The following EGFL7 variants were observed in gnomAD, a reference collection of about 807,000 sequenced individuals.
EGFL7 encodes the protein EGF like domain multiple 7.
Under a neutral mutation model 37.1 loss-of-function variants are expected in EGFL7, and 48 were observed. That is an observed-to-expected ratio of 1.29 (90% CI 1.03 to 1.65). EGFL7 has a LOEUF of 1.65. EGFL7 is among the 40% of genes most tolerant of loss of function. EGFL7 has a pLI of 0.00. For missense variants in EGFL7, 384 were observed against 378.9 expected (o/e 1.01, Z -0.11); for synonymous variants, 180 against 156.8 (o/e 1.15, Z -1.10).
chr9:136,672,622 G>T lies in EGFL7; in HGVS notation c.*336G>T. On this transcript the variant is annotated 3_prime_UTR_variant, in exon 11 of 11. Coordinates refer to ENST00000308874, the MANE Select transcript of EGFL7 (RefSeq NM_016215.5). ...ACAGGCCAGGCAGCCCGGAGGCTGG[G>T]TGGGGCCTCAGTGGGGGCTGCTGCC... 1 of 476,186 alleles carries T rather than the reference G, an allele frequency of 2.1e-6. No individual in the cohort carries two copies. Among genetic ancestry groups the T allele is most frequent in the Non-Finnish European group, 3.8e-6 (1 of 264,134 alleles). The allele number at this position is 476,186 out of a possible 1,614,324, so 29.5% of individuals were successfully genotyped here.
upstream of EGFL7, among the ~76,000 whole-genome samples, chr9:136,660,876 T>C (rs966609353): frequency 1.3e-5 from 2 of 152,090 alleles, no homozygotes; most frequent in African/African-American, 4.8e-5. Flanking sequence ...CCTGGGCCGG[T>C]CACTTCTCCC....
intron 5 of EGFL7, among the ~76,000 whole-genome samples, chr9:136,669,386 G>A (rs1331963708): frequency 2.0e-5 from 3 of 152,246 alleles, no homozygotes; most frequent in Non-Finnish European, 4.4e-5. Flanking sequence ...CATGCGGAGT[G>A]TGGCTGGGCC....
In EGFL7 at chr9:136,663,516, C is replaced by G. The variant is rs563593027; in HGVS notation, c.-244C>G. ...GGGCTGAGGTCTCCTCATCTTCTCC[C>G]TAGCAGTGGATGAGCAACCCAACGG... On this transcript the variant is annotated 5_prime_UTR_variant, in exon 2 of 11. Transcript: ENST00000308874. The G allele has an allele frequency of 6.6e-6, 1 of 152,300 alleles. No homozygotes were observed. The highest frequency in any genetic ancestry group is 2.1e-4 in the South Asian group (1 of 4,838). The allele number at this position is 152,300 out of a possible 1,614,324, so 9.4% of individuals were successfully genotyped here.
upstream of EGFL7, chr9:136,662,881 A>T (rs1250417648): frequency 1.3e-5 from 2 of 152,312 alleles, no homozygotes; most frequent in East Asian, 1.9e-4. Flanking sequence ...ATTACCCAGG[A>T]CGGAGCATAA....
chr9:136,662,424 A>G (rs1051760363), upstream of EGFL7, among the ~76,000 whole-genome samples: 1 of 152,122 alleles, frequency 6.6e-6, no homozygotes, highest in Admixed American at 6.5e-5. Flanking sequence ...GCCACTCGCC[A>G]TCCCTCACTG....
chr9:136,671,915 T>C lies in EGFL7; in HGVS notation c.637-11T>C. The C allele has an allele frequency of 6.7e-7, 1 of 1,493,144 alleles. No individual in the cohort carries two copies. The highest frequency in any genetic ancestry group is 8.9e-7 in the Non-Finnish European group (1 of 1,122,820). 92.5% of individuals were successfully genotyped at this position (1,493,144 alleles called of 1,614,324 possible). A position where few individuals can be genotyped will look rare whatever the true frequency, so the allele number is the denominator to read the frequency against. ...GGCCGGCCCAGGGTCACTGCCCTTCTGCACCCACAGAAGCTGCAGCTGGTG... is the reference window on the plus strand; with the variant it reads ...GGCCGGCCCAGGGTCACTGCCCTTCCGCACCCACAGAAGCTGCAGCTGGTG... On this transcript the variant is annotated splice_polypyrimidine_tract_variant and intron_variant, in intron 9 of 10. Coordinates refer to ENST00000308874, the MANE Select transcript of EGFL7 (RefSeq NM_016215.5).
At position 136,671,281 on chromosome 9, in the gene EGFL7, G is replaced by C. The variant is rs186435535; in HGVS notation, c.636+267G>C. Among the ~76,000 whole-genome samples the C allele has an allele frequency of 5.3e-4, 63 of 118,214 alleles. 8 individuals carry two copies. The East Asian group carries it at 0.011, about 21-fold the overall frequency. 77.6% of individuals were successfully genotyped at this position (118,214 alleles called of 152,430 possible). ...CCTGCTGGAGGAGATGAGGCGTCGG[G>C]GGGGGAGGCAGGCAGTCCAGGGTGG... On this transcript the variant is annotated intron_variant, in intron 9 of 10. Coordinates refer to ENST00000308874, the MANE Select transcript of EGFL7 (RefSeq NM_016215.5).
At position 136,666,459 on chromosome 9, in the gene EGFL7, C is replaced by T. The variant is rs1227873971; in HGVS notation, c.-43+1674C>T. On this transcript the variant is annotated intron_variant, in intron 3 of 10. Coordinates refer to ENST00000308874, the MANE Select transcript of EGFL7 (RefSeq NM_016215.5). The surrounding 1 kb of genome is among the most constrained non-coding windows in gnomAD (Gnocchi z 6.8). ...CCACCTGGCGCCGCCGCCCCCTCCC[C>T]GCCCGGCACCCCTGGGTCGAGGCCG... Among the ~76,000 whole-genome samples, 1 of 152,104 alleles carries T rather than the reference C, an allele frequency of 6.6e-6. No homozygotes were observed. Among genetic ancestry groups the T allele is most frequent in the Non-Finnish European group, 1.5e-5 (1 of 67,980 alleles).
intron 3 of EGFL7, 81 bp downstream of exon 3, chr9:136,664,866 T>G (rs1484829139): frequency 6.6e-6 from 1 of 152,304 alleles, no homozygotes; most frequent in Non-Finnish European, 1.5e-5. Context: ...GGGCGCTGGC[T>G]CCGGCTGGGG....
intron 2 of EGFL7, among the ~76,000 whole-genome samples, chr9:136,663,847 AC>A (rs1845293873): frequency 6.6e-6 from 1 of 151,930 alleles, no homozygotes; most frequent in South Asian, 2.1e-4. Flanking sequence ...CTGTCTGAGA[AC>A]CCCCACTTTC....
At position 136,668,536 on chromosome 9, in the gene EGFL7, AC is replaced by A; in HGVS notation, c.81-16del. On this transcript the variant is annotated intron_variant, in intron 4 of 10. Transcript: ENST00000308874. Reference sequence around the variant, plus strand: ...GTCCTGCTCTGGGACTCCTGGGCTGACCCCCTCTCCACCCCCGCAGCCGTAG... The same window carrying A: ...GTCCTGCTCTGGGACTCCTGGGCTGACCCCTCTCCACCCCCGCAGCCGTAG... The A allele has an allele frequency of 6.2e-7, 1 of 1,602,534 alleles. No individual in the cohort carries two copies.
chr9:136,670,406 TG>T, intron 8 of EGFL7, 76 bp downstream of exon 8: 1 of 1,452,704 alleles, frequency 6.9e-7, no homozygotes. Context: ...TTAGGCATGG[TG>T]GGGGGCACTG....
At position 136,670,011 on chromosome 9, in the gene EGFL7, T is replaced by TG; in HGVS notation, c.409+3dup. The TG allele has an allele frequency of 1.3e-6, 2 of 1,592,886 alleles. No homozygotes were observed. The highest frequency in any genetic ancestry group is 1.3e-5 in the African/African-American group (1 of 74,750). ...GGCGGGGTGACACTTGCCAGTCAGG[T>TG]GAGGCTGGCTCTACCCTGGGGGGCC... On this transcript the variant is annotated splice_region_variant and intron_variant, in intron 7 of 10. Transcript: ENST00000308874.
chr9:136,668,633 C>T lies in EGFL7; in HGVS notation c.157C>T (p.Leu53Phe), dbSNP rs1332331433. 4.4e-6 allele frequency: 7 copies of T among 1,606,328 alleles called. No homozygotes were observed. Among genetic ancestry groups the T allele is most frequent in the Admixed American group, 3.3e-5 (2 of 59,992 alleles). The change falls in exon 5 of 11, where the codon CTC becomes TTC. Residue 53 changes from leucine (L) to phenylalanine (F), a missense_variant. Transcript: ENST00000308874. ...CGTGCAGCGTGTGTACCAGCCCTTC[C>T]TCACCACCTGCGACGGGCACCGGGC... ...SFVQRVYQPFLTTCDGHRACS... is the reference protein window; with the variant it reads ...SFVQRVYQPFFTTCDGHRACS...
In EGFL7 at chr9:136,671,280, G is replaced by C. The variant is rs1192946505; in HGVS notation, c.636+266G>C. 3.6e-4 allele frequency among the ~76,000 whole-genome samples: 43 copies of C among 119,848 alleles called. 2 individuals carry two copies. Among genetic ancestry groups the C allele is most frequent in the African/African-American group, 1.1e-3 (36 of 34,004 alleles). 78.6% of individuals were successfully genotyped at this position (119,848 alleles called of 152,430 possible). Reference sequence around the variant, plus strand: ...ACCTGCTGGAGGAGATGAGGCGTCGGGGGGGGAGGCAGGCAGTCCAGGGTG... The same window carrying C: ...ACCTGCTGGAGGAGATGAGGCGTCGCGGGGGGAGGCAGGCAGTCCAGGGTG... On this transcript the variant is annotated intron_variant, in intron 9 of 10. Transcript: ENST00000308874.
intron 6 of EGFL7, 39 bp downstream of exon 6, chr9:136,669,760 C>T (rs1845719373): frequency 2.7e-6 from 4 of 1,498,194 alleles, no homozygotes; most frequent in Admixed American, 4.1e-5. Flanking sequence ...GTTAGGAGGG[C>T]GACTGTTCCC....
intron 3 of EGFL7, among the ~76,000 whole-genome samples, chr9:136,667,704 G>T (rs1845563280): frequency 6.6e-6 from 1 of 152,204 alleles, no homozygotes; most frequent in Admixed American, 6.5e-5. Context: ...CCTCCGCACG[G>T]TTCCTGCTGG....
intron 7 of EGFL7, 48 bp from the exon 8 acceptor site, chr9:136,670,121 C>T (rs1480974765): frequency 6.8e-6 from 11 of 1,610,830 alleles, no homozygotes; most frequent in South Asian, 1.1e-5. Flanking sequence ...GCTGTGTGGG[C>T]AGGACCCCTC....
At position 136,666,095 on chromosome 9, in the gene EGFL7, G is replaced by C. The variant is rs1467991917; in HGVS notation, c.-43+1310G>C. On this transcript the variant is annotated intron_variant, in intron 3 of 10. Transcript: ENST00000308874. This position sits in a 1 kb window ranked among gnomAD's most constrained non-coding sequence, Gnocchi z 6.8. The stretch of plus-strand genomic sequence containing the variant: ...GGCGGGCGGGCGGCGCGGCGGGGAG[G>C]GCCGGGGTCGCCGCGGCCCCTCGTC... Among the ~76,000 whole-genome samples the C allele has an allele frequency of 2.0e-5, 3 of 146,978 alleles. No homozygotes were observed. The highest frequency in any genetic ancestry group is 2.0e-4 in the East Asian group (1 of 5,120).
Sources: gnomAD v4.1 joint callset for allele counts (sites outside exome capture counted in the v4.1 genomes callset) on GRCh38, gnomAD v4.1.1 for gene constraint, Gnocchi (gnomAD v3.1) non-coding constraint, MANE v1.5 for transcripts, NCBI Gene and HGNC (gene_info 2026-07-23, HGNC 2026-07-21) for gene names.